The following IL1R1 variants were observed in gnomAD, a reference collection of about 807,000 sequenced individuals.
IL1R1 encodes the protein interleukin-1 receptor type 1.
In IL1R1, 22 loss-of-function variants were observed where a neutral mutation model predicts 50.2. The observed-to-expected ratio is 0.44, with a 90% confidence interval of 0.31 to 0.63. The LOEUF (loss-of-function observed/expected upper bound fraction) is 0.63. Among genes scored for constraint, IL1R1 ranks in the 20% least tolerant of loss-of-function variants. IL1R1 has a pLI of 0.07. For synonymous variants in IL1R1, 251 were observed against 236.7 expected, an observed-to-expected ratio of 1.06 and a Z score of -0.55; for missense variants, 509 against 676.2, an observed-to-expected ratio of 0.75 and a Z score of 2.74.
chr2:102,121,717 T>G (rs556517340), intron 1 of IL1R1, among the ~76,000 whole-genome samples: 1 of 152,214 alleles, frequency 6.6e-6, no homozygotes, highest in Admixed American at 6.5e-5. Context: ...GCCTAGCACA[T>G]TTTTTAAAAC....
chr2:102,139,121 T>A (rs540048352), upstream of IL1R1, among the ~76,000 whole-genome samples: 5 of 152,270 alleles, frequency 3.3e-5, 1 homozygote, highest in African/African-American at 1.2e-4. Context: ...AGAATGGTTG[T>A]CCTGGTGTCC....
intron 1 of IL1R1, among the ~76,000 whole-genome samples, chr2:102,144,366 A>G (rs73943994): frequency 0.028 from 4,291 of 152,194 alleles, 142 homozygotes; most frequent in African/African-American, 0.077. Context: ...TGTTCAGGAA[A>G]GGATATTTGA....
intron 1 of IL1R1, among the ~76,000 whole-genome samples, chr2:102,083,939 G>A (rs573772210): frequency 1.9e-4 from 20 of 103,590 alleles, no homozygotes; most frequent in African/African-American, 5.5e-4. Context: ...GCAAGACTCC[G>A]CCTCAAAAAA....
At chr2:102,172,941 T>G (rs1026753100) in intron 9 of IL1R1, 103 bp downstream of exon 9, 3 of 754,772 alleles carry the variant, frequency 4.0e-6, no homozygotes, top group Non-Finnish European at 6.6e-6. Flanking sequence ...CACGCTTCAC[T>G]TCCTCATTAC....
intron 3 of IL1R1, among the ~76,000 whole-genome samples, chr2:102,162,868 C>T (rs1230434931): frequency 1.3e-5 from 2 of 151,880 alleles, no homozygotes; most frequent in African/African-American, 4.8e-5. Context: ...CATTCTTTTG[C>T]GTAGATTCAT....
intron 1 of IL1R1, among the ~76,000 whole-genome samples, chr2:102,098,684 T>C (rs1473008803): frequency 6.6e-6 from 1 of 152,186 alleles, no homozygotes; most frequent in South Asian, 2.1e-4. Flanking sequence ...CAAAGATGTA[T>C]GTACATAGGA....
intron 1 of IL1R1, among the ~76,000 whole-genome samples, chr2:102,079,809 T>C (rs888555840): frequency 6.6e-6 from 1 of 152,074 alleles, no homozygotes; most frequent in Non-Finnish European, 1.5e-5. Context: ...AATAACAAAG[T>C]CAATGACTTA....
At chr2:102,096,240 C>T (rs180923617) in intron 1 of IL1R1, among the ~76,000 whole-genome samples, 70 of 152,240 alleles carry the variant, frequency 4.6e-4, no homozygotes, top group African/African-American at 1.1e-3. Context: ...TTCCTCTACT[C>T]GCCTCATAGG....
intron 10 of IL1R1, among the ~76,000 whole-genome samples, chr2:102,175,211 G>C (rs933711995): frequency 5.9e-5 from 9 of 152,074 alleles, no homozygotes; most frequent in Non-Finnish European, 1.2e-4. Flanking sequence ...ATGAGGACAG[G>C]GAGACTTTAA....
intron 1 of IL1R1, chr2:102,104,923 T>G (rs1377325765): frequency 2.0e-5 from 3 of 152,152 alleles, no homozygotes; most frequent in Admixed American, 1.3e-4. Flanking sequence ...TTTTTTTCCC[T>G]CCTTTTTTTG....
intron 6 of IL1R1, among the ~76,000 whole-genome samples, chr2:102,168,380 C>T (rs573567896): frequency 7.2e-5 from 11 of 152,292 alleles, no homozygotes; most frequent in African/African-American, 2.2e-4. Flanking sequence ...TCTATGAATT[C>T]GGAAGGTCTA....
chr2:102,129,224 CA>C (rs1681893245), intron 1 of IL1R1, among the ~76,000 whole-genome samples: 2 of 150,560 alleles, frequency 1.3e-5, no homozygotes, highest in Admixed American at 1.3e-4. Context: ...AACAAACAAA[CA>C]AAAGAAATCA....
chr2:102,078,058 A>G (rs762440204), intron 1 of IL1R1, among the ~76,000 whole-genome samples: 1 of 152,172 alleles, frequency 6.6e-6, no homozygotes, highest in Admixed American at 6.5e-5. Context: ...AGCTTATGGG[A>G]TGCAGCTAAA....
At chr2:102,111,392 C>T (rs1288078252) in intron 1 of IL1R1, among the ~76,000 whole-genome samples, 1 of 152,188 alleles carries the variant, frequency 6.6e-6, no homozygotes, top group African/African-American at 2.4e-5. Context: ...CCTTGTCCTC[C>T]GTGTGAGACA....
intron 1 of IL1R1, among the ~76,000 whole-genome samples, chr2:102,111,986 A>G (rs1680791530): frequency 6.6e-6 from 1 of 152,170 alleles, no homozygotes; most frequent in Admixed American, 6.5e-5. Context: ...TGCTCAGAAT[A>G]GAACAAAATT....
chr2:102,101,716 C>T (rs926638256), upstream of IL1R1, among the ~76,000 whole-genome samples: 51 of 152,286 alleles, frequency 3.3e-4, no homozygotes, highest in African/African-American at 1.2e-3. Context: ...TAAACACAGA[C>T]ATTCTGGAGT....
intron 1 of IL1R1, among the ~76,000 whole-genome samples, chr2:102,074,666 A>G (rs1678885464): frequency 6.6e-6 from 1 of 152,202 alleles, no homozygotes; most frequent in Admixed American, 6.5e-5. Flanking sequence ...CAGGCCGTTT[A>G]AATCCACCAC....
intron 5 of IL1R1, 38 bp from the exon 6 acceptor site, chr2:102,166,075 G>A (rs1261235200): frequency 3.8e-6 from 6 of 1,572,616 alleles, no homozygotes; most frequent in South Asian, 2.3e-5. Context: ...AAAGTTATTG[G>A]TTATTGGTTT....
chr2:102,102,316 C>T (rs1680177216), upstream of IL1R1, among the ~76,000 whole-genome samples: 3 of 152,112 alleles, frequency 2.0e-5, no homozygotes, highest in African/African-American at 7.2e-5. Context: ...AAGAGCAATG[C>T]AAGCCTGGGC....
Sources: allele counts gnomAD v4.1 joint callset (sites outside exome capture counted in the v4.1 genomes callset), GRCh38; gene constraint gnomAD v4.1.1; transcripts MANE v1.5; gene names NCBI Gene and HGNC (gene_info 2026-07-23, HGNC 2026-07-21).